KAT6B: variants seen among roughly 807,000 people sequenced by gnomAD.
KAT6B encodes histone acetyltransferase KAT6B.
KAT6B carries 10 observed loss-of-function variants against 187.5 expected under a neutral mutation model. The ratio of observed to expected loss-of-function variants is 0.05; its 90% confidence interval spans 0.03 to 0.09. The LOEUF (loss-of-function observed/expected upper bound fraction) is 0.09. KAT6B is among the 10% of genes least tolerant of loss of function. The pLI is 1.00. For synonymous variants in KAT6B, 861 were observed against 926.8 expected (o/e 0.93, Z 1.29); for missense variants, 1,952 against 2,558.9 (o/e 0.76, Z 5.12).
At chr10:74,983,715 C>A (rs1439537106) in intron 11 of KAT6B, 2 of 152,148 alleles carry the variant, frequency 1.3e-5, no homozygotes, top group East Asian at 3.8e-4. Flanking sequence ...TCTTTCAGGG[C>A]AGGTGCTTTT....
intron 3 of KAT6B, among the ~76,000 whole-genome samples, chr10:74,900,638 G>T (rs1846315044): frequency 6.6e-6 from 1 of 152,240 alleles, no homozygotes; most frequent in Admixed American, 6.5e-5. Context: ...ACTGGCTAGG[G>T]GGTGAGGGCA....
intron 1 of KAT6B, among the ~76,000 whole-genome samples, chr10:74,833,050 GT>G (rs1840987965): frequency 6.9e-6 from 1 of 143,978 alleles, no homozygotes; most frequent in Admixed American, 7.4e-5. Context: ...CAGGAGAGTC[GT>G]TTGAACCCGG....
At chr10:74,878,239 G>A (rs140858360) in intron 3 of KAT6B, among the ~76,000 whole-genome samples, 175 of 152,318 alleles carry the variant, frequency 1.1e-3, no homozygotes, top group African/African-American at 4.1e-3. Context: ...TGTTCAGTCA[G>A]TGACTTATGA....
intron 2 of KAT6B, among the ~76,000 whole-genome samples, chr10:74,839,802 ATGAT>A (rs2132042484): frequency 6.6e-6 from 1 of 152,346 alleles, no homozygotes; most frequent in Non-Finnish European, 1.5e-5. Flanking sequence ...CTGACAGAGA[ATGAT>A]TCTGTGTTCT....
intron 3 of KAT6B, among the ~76,000 whole-genome samples, chr10:74,919,191 C>T (rs907677998): frequency 6.6e-6 from 1 of 152,122 alleles, no homozygotes; most frequent in Admixed American, 6.5e-5. Flanking sequence ...CCACTTCACT[C>T]CAGCCTGGGC....
chr10:75,025,299 A>T (rs1310665901), intron 17 of KAT6B, 50 bp downstream of exon 17: 1 of 1,595,270 alleles, frequency 6.3e-7, no homozygotes, highest in Non-Finnish European at 8.6e-7. Context: ...TCTGTATCTG[A>T]CTGGGTGCCA....
intron 11 of KAT6B, chr10:74,982,710 A>C (rs1179697753): frequency 6.6e-6 from 1 of 152,278 alleles, no homozygotes; most frequent in Admixed American, 6.5e-5. Flanking sequence ...CCACTTGCAC[A>C]CTTCTGTTGT....
chr10:74,884,263 T>G (rs1011368961), intron 3 of KAT6B, among the ~76,000 whole-genome samples: 1 of 152,244 alleles, frequency 6.6e-6, no homozygotes, highest in African/African-American at 2.4e-5. Context: ...AAGGGTTATG[T>G]TAAAATTACT....
intron 1 of KAT6B, among the ~76,000 whole-genome samples, chr10:74,831,400 A>C (rs7075439): frequency 0.11 from 17,353 of 152,208 alleles, 2,316 homozygotes; most frequent in African/African-American, 0.32. Context: ...CCCTGAGGTC[A>C]ATAAGATATT....
At chr10:75,002,713 A>G (rs962957833) in intron 13 of KAT6B, among the ~76,000 whole-genome samples, 2 of 152,334 alleles carry the variant, frequency 1.3e-5, no homozygotes, top group African/African-American at 4.8e-5. Context: ...AAATATAGAA[A>G]AGGTACAGTA....
chr10:74,972,696 A>T (rs1178527058), intron 7 of KAT6B, 57 bp downstream of exon 7: 3 of 1,475,280 alleles, frequency 2.0e-6, no homozygotes, highest in Non-Finnish European at 2.8e-6. Flanking sequence ...AATATAGGTG[A>T]TTGTTATTCT....
Position 75,025,321 on chromosome 10 carries a change from T to C in KAT6B, c.3664+72T>C, listed in dbSNP as rs1256220240. On this transcript the variant is annotated intron_variant, in intron 17 of 17. Transcript: ENST00000287239. ...CTGACTGGGTGCCAAAGAGCAGGCCTCTGGCGTGATGCCCAGAGGCACCTG... is the reference window on the plus strand; with the variant it reads ...CTGACTGGGTGCCAAAGAGCAGGCCCCTGGCGTGATGCCCAGAGGCACCTG... 5 of 1,519,076 alleles carry C rather than the reference T, an allele frequency of 3.3e-6. No individual in the cohort carries two copies. In the African/African-American group the frequency reaches 5.5e-5, roughly 17 times the overall value. 94.1% of individuals were successfully genotyped at this position (1,519,076 alleles called of 1,614,324 possible).
At chr10:75,021,339 T>G in intron 15 of KAT6B, 54 bp downstream of exon 15, 1 of 1,581,702 alleles carries the variant, frequency 6.3e-7, no homozygotes, top group Non-Finnish European at 8.7e-7. Flanking sequence ...TGTAGCATTC[T>G]TAAGCTAAGA....
chr10:74,994,682 G>A (rs1589772386), intron 13 of KAT6B, among the ~76,000 whole-genome samples: 1 of 152,162 alleles, frequency 6.6e-6, no homozygotes, highest in Middle Eastern at 3.4e-3. Context: ...AGCTACTTGG[G>A]AGGCTGAGGC....
chr10:74,954,882 C>T (rs977752682), intron 3 of KAT6B, among the ~76,000 whole-genome samples: 6 of 152,152 alleles, frequency 3.9e-5, no homozygotes, highest in African/African-American at 1.2e-4. Flanking sequence ...AGCATCTCCC[C>T]GCTCTATAGA....
chr10:74,964,654 C>T (rs551114986), intron 4 of KAT6B, among the ~76,000 whole-genome samples: 69 of 152,274 alleles, frequency 4.5e-4, no homozygotes, highest in South Asian at 2.1e-3. Flanking sequence ...ATATCCAGAA[C>T]AGCTCATCAA....
chr10:74,865,558 C>T (rs965339854), intron 3 of KAT6B, among the ~76,000 whole-genome samples: 1 of 151,568 alleles, frequency 6.6e-6, no homozygotes, highest in Non-Finnish European at 1.5e-5. Context: ...CTCTGTCACC[C>T]AGGCTGGAGT....
intron 1 of KAT6B, among the ~76,000 whole-genome samples, chr10:74,832,738 G>A (rs968796161): frequency 6.6e-6 from 1 of 151,984 alleles, no homozygotes. Flanking sequence ...GACCTCAGGT[G>A]ATCCACCTGC....
At chr10:74,883,852 G>T (rs183867534) in intron 3 of KAT6B, among the ~76,000 whole-genome samples, 2 of 152,238 alleles carry the variant, frequency 1.3e-5, no homozygotes, top group African/African-American at 4.8e-5. Context: ...CCCTCTCATT[G>T]CTTCACTGTG....
Sources: gnomAD v4.1 joint callset for allele counts (sites outside exome capture counted in the v4.1 genomes callset) on GRCh38, gnomAD v4.1.1 for gene constraint, MANE v1.5 for transcripts, NCBI Gene and HGNC (gene_info 2026-07-23, HGNC 2026-07-21) for gene names.